EPHA4: variants seen among roughly 807,000 people sequenced by gnomAD.
EPHA4 encodes the protein ephrin type-A receptor 4.
EPHA4 carries 19 observed loss-of-function variants against 108.3 expected under a neutral mutation model. The observed-to-expected ratio is 0.18, with a 90% CI of 0.12 to 0.26. The LOEUF (loss-of-function observed/expected upper bound fraction) is 0.26. Among genes scored for constraint, EPHA4 ranks in the 10% least tolerant of loss-of-function variants. The pLI, the probability that EPHA4 is intolerant of heterozygous loss-of-function variation, is 1.00. For missense variants in EPHA4, 917 were observed against 1,254.0 expected (o/e 0.73, Z 4.06); for synonymous variants, 449 against 455.5 (o/e 0.99, Z 0.18).
In EPHA4 at chr2:221,564,218, C is replaced by G; in HGVS notation, c.336G>C (p.Pro112=). 1.2e-6 allele frequency: 2 copies of G among 1,614,084 alleles called. No individual in the cohort carries two copies. The highest frequency in any genetic ancestry group is 1.7e-6 in the Non-Finnish European group (2 of 1,180,008). The change falls in exon 3 of 18, where the codon CCG becomes CCC. Residue 112 remains proline (P), a synonymous_variant. Transcript: ENST00000281821. The stretch of plus-strand genomic sequence containing the variant: ...TCTCCTTGCAAGTCCCCATGACGCC[C>G]GGAAGACTATTGCAGTCCCTCAAGG... ...KFTLRDCNSL[P]GVMGTCKETF...
At chr2:221,475,105 A>G (rs548582389) in intron 5 of EPHA4, among the ~76,000 whole-genome samples, 163 of 152,262 alleles carry the variant, frequency 1.1e-3, no homozygotes, top group Non-Finnish European at 1.7e-3. Context: ...TCTTGGGCTC[A>G]AGTGATCCAC....
intron 5 of EPHA4, among the ~76,000 whole-genome samples, chr2:221,473,055 T>C (rs1323903832): frequency 6.6e-6 from 1 of 152,182 alleles, no homozygotes; most frequent in Non-Finnish European, 1.5e-5. Context: ...TAGTGACATT[T>C]CCCAATGAGG....
At chr2:221,481,860 C>A (rs1344804659) in intron 5 of EPHA4, among the ~76,000 whole-genome samples, 2 of 152,152 alleles carry the variant, frequency 1.3e-5, no homozygotes, top group Non-Finnish European at 2.9e-5. Flanking sequence ...GAGCACTCTG[C>A]ATTGGTAAAA....
intron 13 of EPHA4, among the ~76,000 whole-genome samples, chr2:221,435,424 A>G (rs1690201076): frequency 6.6e-6 from 1 of 152,182 alleles, no homozygotes; most frequent in Non-Finnish European, 1.5e-5. Flanking sequence ...AAAAGAGGAC[A>G]AGCATAAGAA....
At chr2:221,496,444 T>G (rs1692298682) in intron 4 of EPHA4, among the ~76,000 whole-genome samples, 1 of 152,116 alleles carries the variant, frequency 6.6e-6, no homozygotes, top group Non-Finnish European at 1.5e-5. Flanking sequence ...GGAAGGGAGA[T>G]GTCGAAAGGA....
At chr2:221,495,001 C>CA (rs5838887) in intron 4 of EPHA4, among the ~76,000 whole-genome samples, 3,938 of 82,754 alleles carry the variant, frequency 0.048, 16 homozygotes, top group Non-Finnish European at 0.052. Flanking sequence ...GCAATGTTGC[C>CA]AAAAAAAAAA....
At chr2:221,507,408 T>C (rs1190133387) in intron 3 of EPHA4, among the ~76,000 whole-genome samples, 2 of 152,264 alleles carry the variant, frequency 1.3e-5, no homozygotes, top group Non-Finnish European at 2.9e-5. Flanking sequence ...GCTATTCCTA[T>C]ACCATTGTGG....
intron 11 of EPHA4, among the ~76,000 whole-genome samples, chr2:221,442,249 G>T (rs1338530910): frequency 1.3e-5 from 2 of 152,200 alleles, no homozygotes; most frequent in African/African-American, 4.8e-5. Flanking sequence ...AAATGCATCT[G>T]TTGAGCTGTG....
intron 15 of EPHA4, 21 bp downstream of exon 15, chr2:221,429,937 T>G (rs1348654887): frequency 6.2e-7 from 1 of 1,613,044 alleles, no homozygotes; most frequent in Admixed American, 1.7e-5. Flanking sequence ...CATACATCAC[T>G]ATTAAGTAAG....
At chr2:221,424,459 A>T (rs1170129642) in intron 17 of EPHA4, among the ~76,000 whole-genome samples, 1 of 147,308 alleles carries the variant, frequency 6.8e-6, no homozygotes, top group Non-Finnish European at 1.5e-5. Context: ...TTTAAAAGTG[A>T]TAAAAATGAA....
chr2:221,457,375 C>T (rs1690991529), intron 6 of EPHA4, among the ~76,000 whole-genome samples: 1 of 152,094 alleles, frequency 6.6e-6, no homozygotes, highest in Non-Finnish European at 1.5e-5. Flanking sequence ...TGTGATTTTC[C>T]TTCCCTGACT....
Position 221,515,058 on chromosome 2 carries a change from A to C in EPHA4, c.824-13886T>G, listed in dbSNP as rs918947211. Reference sequence around the variant, plus strand: ...CTATAAAAGGCATGGGAAGTTGAAAACCTTTTCTAGGATTCTATTTACAAG... The same window carrying C: ...CTATAAAAGGCATGGGAAGTTGAAACCCTTTTCTAGGATTCTATTTACAAG... On this transcript the variant is annotated intron_variant, in intron 3 of 17. Transcript: ENST00000281821. Among the ~76,000 whole-genome samples, 12 of 152,084 alleles carry C rather than the reference A, an allele frequency of 7.9e-5. No homozygotes were observed. The East Asian group carries it at 2.3e-3, about 29-fold the overall frequency.
chr2:221,501,578 G>A (rs1037494004), intron 3 of EPHA4, among the ~76,000 whole-genome samples: 1 of 152,102 alleles, frequency 6.6e-6, no homozygotes, highest in Non-Finnish European at 1.5e-5. Context: ...TTAATTGAGG[G>A]CACAAGACCA....
rs931989424 is a variant in EPHA4, at chr2:221,563,969, T to A, written c.585A>T (p.Val195=). ...FQDVGACIAL[V]SVRVFYKKCP... Reference sequence around the variant, plus strand: ...ACTTTTTATAGAACACACGGACTGATACCAGGGCGATGCAGGCCCCCACAT... The same window carrying A: ...ACTTTTTATAGAACACACGGACTGAAACCAGGGCGATGCAGGCCCCCACAT... Residue 195 remains valine (V), a synonymous_variant, in exon 3 of 18, where the codon GTA becomes GTT. Coordinates refer to ENST00000281821, the MANE Select transcript of EPHA4 (RefSeq NM_004438.5). 3.7e-6 allele frequency: 6 copies of A among 1,613,952 alleles called. No individual in the cohort carries two copies. Among genetic ancestry groups the A allele is most frequent in the Non-Finnish European group, 5.1e-6 (6 of 1,180,028 alleles).
chr2:221,459,538 C>G (rs932665517), intron 5 of EPHA4, among the ~76,000 whole-genome samples: 2 of 151,696 alleles, frequency 1.3e-5, no homozygotes, highest in Non-Finnish European at 2.9e-5. Context: ...TTCATTAAGG[C>G]CCCCTTCTCC....
intron 3 of EPHA4, among the ~76,000 whole-genome samples, chr2:221,514,892 T>C (rs1365295903): frequency 6.6e-6 from 1 of 152,028 alleles, no homozygotes; most frequent in Non-Finnish European, 1.5e-5. Context: ...ACTGACCCAT[T>C]TAAAGAAAGC....
rs553686895 is a variant in EPHA4 at position 221,442,362 on chromosome 2, C to T, written c.2074+467G>A. Among the ~76,000 whole-genome samples, 5 of 152,326 alleles carry T rather than the reference C, an allele frequency of 3.3e-5. No homozygotes were observed. In the South Asian group the frequency reaches 8.3e-4, roughly 25 times the overall value. On this transcript the variant is annotated intron_variant, in intron 11 of 17. Transcript: ENST00000281821. ...ACTGTAAATAGGTGCTGAACTGCAACAGCCATAAATCAGGCAGAGCAGACA... is the reference window on the plus strand; with the variant it reads ...ACTGTAAATAGGTGCTGAACTGCAATAGCCATAAATCAGGCAGAGCAGACA...
chr2:221,528,605 C>A (rs1171468934), intron 3 of EPHA4, among the ~76,000 whole-genome samples: 1 of 152,142 alleles, frequency 6.6e-6, no homozygotes, highest in Non-Finnish European at 1.5e-5. Flanking sequence ...TTAACTGAAT[C>A]ATCAATACAA....
chr2:221,566,854 G>GAGAAGA (rs769632541), intron 2 of EPHA4, among the ~76,000 whole-genome samples: 6,372 of 53,086 alleles, frequency 0.12, 1,439 homozygotes, highest in South Asian at 0.23. Context: ...GAAGGAGAAG[G>GAGAAGA]AGAAGAAGAA....
Sources: gnomAD v4.1 joint callset for allele counts (sites outside exome capture counted in the v4.1 genomes callset) on GRCh38, gnomAD v4.1.1 for gene constraint, MANE v1.5 for transcripts, NCBI Gene and HGNC (gene_info 2026-07-23, HGNC 2026-07-21) for gene names.